CLASRP: variants seen among roughly 807,000 people sequenced by gnomAD.
CLASRP encodes the protein CLK4-associating serine/arginine rich protein.
A neutral mutation model predicts 99.9 loss-of-function variants in CLASRP; 52 were observed. The observed-to-expected ratio is 0.52, with a 90% CI of 0.42 to 0.66. The LOEUF (loss-of-function observed/expected upper bound fraction) is 0.66, where lower values mean the gene tolerates loss of function less well. CLASRP is among the 30% of genes least tolerant of loss of function. The pLI, the probability that CLASRP is intolerant of heterozygous loss-of-function variation, is 0.00. For synonymous variants in CLASRP, 379 were observed against 373.0 expected (o/e 1.02, Z -0.18); for missense variants, 848 against 999.2 (o/e 0.85, Z 2.04).
Position 45,064,511 on chromosome 19 carries a change from G to T in CLASRP, c.1290G>T (p.Arg430=). 6.5e-7 allele frequency: 1 copy of T among 1,534,964 alleles called. No individual in the cohort carries two copies. The change falls in exon 13 of 21, where the codon CGG becomes CGT. Residue 430 remains arginine, a synonymous_variant. Coordinates refer to ENST00000221455, the MANE Select transcript of CLASRP (RefSeq NM_007056.3). ...RSWSRSRSRS[R]RYSRSRSRGR... is the part of the protein sequence containing the mutation. Reference sequence around the variant, plus strand: ...GGTCCCGCTCCCGCTCCCGCTCCCGGCGCTATTCCCGGTCCCGTAGCCGTG... The same window carrying T: ...GGTCCCGCTCCCGCTCCCGCTCCCGTCGCTATTCCCGGTCCCGTAGCCGTG...
At position 45,069,187 on chromosome 19, in the gene CLASRP, C is replaced by A. The variant is rs1210786957; in HGVS notation, c.1828-15C>A. ...TGCTGGCCTGGCCACGTCCTCATAG[C>A]CCTGTCTGCTGCAGGAGCGGGAAGA... On this transcript the variant is annotated splice_polypyrimidine_tract_variant and intron_variant, in intron 17 of 20. Transcript: ENST00000221455. 1 of 1,613,940 alleles carries A rather than the reference C, an allele frequency of 6.2e-7. No homozygotes were observed. The highest frequency in any genetic ancestry group is 8.5e-7 in the Non-Finnish European group (1 of 1,179,998).
rs763531400 is a variant in CLASRP at position 45,060,606 on chromosome 19, G to A, written c.842G>A (p.Gly281Asp). Residue 281 changes from glycine (G) to aspartate (D), a missense_variant, in exon 10 of 21, where the codon GGT becomes GAT. Gly to Asp is a moderately conservative substitution (Grantham distance 94). Around this residue, in one of 8 missense-constraint regions of CLASRP, gnomAD observed 9 missense variants for 28.5 expected, o/e 0.32. Coordinates refer to ENST00000221455, the MANE Select transcript of CLASRP (RefSeq NM_007056.3). The surrounding 1 kb of genome is among the most constrained non-coding windows in gnomAD (Gnocchi z 4.6). ...GAGTTTCGGGAGAAGCGGCTGAGGG[G>A]TCGCAAGATCAGCCCACCCAGGTAG... is the stretch of plus-strand genomic sequence containing the variant. The part of the protein sequence containing the change: ...RREFREKRLR[G>D]RKISPPSYAR... 6.2e-7 allele frequency: 1 copy of A among 1,607,952 alleles called. No individual in the cohort carries two copies. Among genetic ancestry groups the A allele is most frequent in the Admixed American group, 1.7e-5 (1 of 59,380 alleles).
intron 5 of CLASRP, among the ~76,000 whole-genome samples, chr19:45,053,770 C>T (rs796178181): frequency 2.8e-4 from 43 of 152,266 alleles, no homozygotes; most frequent in African/African-American, 9.9e-4. Flanking sequence ...TGAGCCACCA[C>T]GCCCAGCCAA....
At chr19:45,061,797 C>G (rs1172306792) in intron 10 of CLASRP, among the ~76,000 whole-genome samples, 2 of 151,728 alleles carry the variant, frequency 1.3e-5, no homozygotes, top group Admixed American at 1.3e-4. Context: ...TCATCATCAT[C>G]ATCATCATCA....
chr19:45,062,386 T>A (rs555251096), intron 11 of CLASRP, among the ~76,000 whole-genome samples, 191 bp downstream of exon 11: 9 of 151,412 alleles, frequency 5.9e-5, no homozygotes, highest in Admixed American at 1.3e-4. Context: ...TTAAATAAAA[T>A]TTTTTTTTTG....
chr19:45,060,742 T>TC lies in CLASRP; in HGVS notation c.863+115_863+116insC. 1 of 813,934 alleles carries TC rather than the reference T, an allele frequency of 1.2e-6. No individual in the cohort carries two copies. The highest frequency in any genetic ancestry group is 1.9e-6 in the Non-Finnish European group (1 of 518,626). 50.4% of individuals were successfully genotyped at this position (813,934 alleles called of 1,614,324 possible). A position where few individuals can be genotyped will look rare whatever the true frequency, so the allele number is the denominator to read the frequency against. ...ATTTGACTTGAGAAAGGAGTCTTTC[T>TC]AGTGGGGCGATGCATGGCCATCGTG... is the stretch of plus-strand genomic sequence containing the variant. On this transcript the variant is annotated intron_variant, in intron 10 of 20. Coordinates refer to ENST00000221455, the MANE Select transcript of CLASRP (RefSeq NM_007056.3). This position sits in a 1 kb window ranked among gnomAD's most constrained non-coding sequence, Gnocchi z 4.6.
chr19:45,064,514 C>G lies in CLASRP; in HGVS notation c.1293C>G (p.Arg431=), dbSNP rs990497983. 7 of 1,537,306 alleles carry G rather than the reference C, an allele frequency of 4.6e-6. No individual in the cohort carries two copies. In the South Asian group the frequency reaches 6.0e-5, roughly 13 times the overall value. Residue 431 remains arginine (R), a synonymous_variant, in exon 13 of 21, where the codon CGC becomes CGG. Transcript: ENST00000221455. ...CCCGCTCCCGCTCCCGCTCCCGGCGCTATTCCCGGTCCCGTAGCCGTGGCC... is the reference window on the plus strand; with the variant it reads ...CCCGCTCCCGCTCCCGCTCCCGGCGGTATTCCCGGTCCCGTAGCCGTGGCC... The part of the protein sequence containing the change: ...SWSRSRSRSR[R]YSRSRSRGRR...
chr19:45,067,463 C>T lies in CLASRP; in HGVS notation c.1536C>T (p.Arg512=), dbSNP rs1175402646. The T allele has an allele frequency of 6.4e-7, 1 of 1,554,576 alleles. No homozygotes were observed. The highest frequency in any genetic ancestry group is 1.2e-5 in the South Asian group (1 of 86,174). ...GCAGTCGCAGCCTGACTCGCAGCCG[C>T]AGCCATAGCCCCAGCCCCAGCCAGA... is the stretch of plus-strand genomic sequence containing the variant. The part of the protein sequence containing the change: ...PSRSRSLTRS[R]SHSPSPSQSR... The change falls in exon 14 of 21, where the codon CGC becomes CGT. Residue 512 remains arginine (R), a synonymous_variant. Coordinates refer to ENST00000221455, the MANE Select transcript of CLASRP (RefSeq NM_007056.3). This position sits in a 1 kb window ranked among gnomAD's most constrained non-coding sequence, Gnocchi z 4.9.
chr19:45,059,786 C>T (rs1255218298), intron 8 of CLASRP, among the ~76,000 whole-genome samples: 1 of 152,202 alleles, frequency 6.6e-6, no homozygotes, highest in African/African-American at 2.4e-5. Flanking sequence ...GAACCAGAAA[C>T]GGAGCCTGAG....
At position 45,070,119 on chromosome 19, in the gene CLASRP, C is replaced by T. The variant is rs770199358; in HGVS notation, c.1957+15C>T. 1.4e-6 allele frequency: 2 copies of T among 1,474,110 alleles called. No individual in the cohort carries two copies. Among genetic ancestry groups the T allele is most frequent in the Non-Finnish European group, 1.9e-6 (2 of 1,052,242 alleles). The allele number at this position is 1,474,110 out of a possible 1,614,324, so 91.3% of individuals were successfully genotyped here. On this transcript the variant is annotated intron_variant, in intron 19 of 20. Transcript: ENST00000221455. ...CCCCCGATACAGTGAGTGTCCCCAC[C>T]AGGCTGCAGGGCTCTGGGGCTTTAA...
At chr19:45,065,666 C>T (rs1027638488) in intron 13 of CLASRP, among the ~76,000 whole-genome samples, 2 of 152,152 alleles carry the variant, frequency 1.3e-5, no homozygotes, top group African/African-American at 4.8e-5. Context: ...GGTCCACCCC[C>T]TTCCGGTCCC....
chr19:45,067,404 C>T lies in CLASRP; in HGVS notation c.1477C>T (p.Arg493Cys), dbSNP rs766690315. 9.1e-6 allele frequency: 14 copies of T among 1,533,714 alleles called. No individual in the cohort carries two copies. The highest frequency in any genetic ancestry group is 3.6e-5 in the South Asian group (3 of 83,866). ...GGGCCTCAGGCACCACAGCAGTAGC[C>T]GCAGCCGCAGCAGCTGGTCCCTCAG... ...GRGLRHHSSS[R>C]SRSSWSLSPS... is the part of the protein sequence containing the mutation. Residue 493 changes from arginine (R) to cysteine (C), a missense_variant, in exon 14 of 21, where the codon CGC (arginine) becomes TGC (cysteine). By Grantham distance (180) the Arg-to-Cys change is radical. Coordinates refer to ENST00000221455, the MANE Select transcript of CLASRP (RefSeq NM_007056.3). This position sits in a 1 kb window ranked among gnomAD's most constrained non-coding sequence, Gnocchi z 4.9.
intron 2 of CLASRP, among the ~76,000 whole-genome samples, chr19:45,047,287 T>C (rs1971936912): frequency 6.6e-6 from 1 of 151,980 alleles, no homozygotes; most frequent in South Asian, 2.1e-4. Flanking sequence ...AAGACAGTAT[T>C]GTATGATCCG....
chr19:45,057,641 G>C (rs1949233379), intron 6 of CLASRP, 109 bp from the exon 7 acceptor site: 1 of 1,292,714 alleles, frequency 7.7e-7, no homozygotes, highest in Non-Finnish European at 1.1e-6. Context: ...TAGGCTGAGG[G>C]AGAGCCTGAG....
chr19:45,068,302 A>T, intron 15 of CLASRP, 118 bp from the exon 16 acceptor site: 1 of 640,802 alleles, frequency 1.6e-6, no homozygotes, highest in Non-Finnish European at 2.9e-6. Flanking sequence ...CCTCCTCCCC[A>T]CGTCGTTCTC....
intron 12 of CLASRP, 42 bp from the exon 13 acceptor site, chr19:45,064,296 CCGCGG>C (rs1375662392): frequency 6.6e-7 from 1 of 1,507,054 alleles, no homozygotes; most frequent in Non-Finnish European, 8.8e-7. Context: ...CAGAGGGGGG[CCGCGG>C]CTCAGGCCTG....
intron 13 of CLASRP, among the ~76,000 whole-genome samples, chr19:45,065,696 GCTGCCCTGGGAA>G (rs1348702347): frequency 1.3e-5 from 2 of 152,028 alleles, no homozygotes; most frequent in African/African-American, 4.8e-5. Flanking sequence ...TGGGGTCAGG[GCTGCCCTGGGAA>G]GGGCAGCGAC....
intron 2 of CLASRP, among the ~76,000 whole-genome samples, chr19:45,051,825 G>A (rs534761799): frequency 9.9e-5 from 15 of 152,176 alleles, no homozygotes; most frequent in Admixed American, 3.3e-4. Context: ...AAAATTAGTC[G>A]GGCATGGTGG....
intron 2 of CLASRP, 35 bp downstream of exon 2, chr19:45,040,346 C>G (rs1448298422): frequency 1.3e-6 from 2 of 1,502,126 alleles, no homozygotes; most frequent in East Asian, 4.6e-5. Context: ...GGTGAGGGAC[C>G]CTGGGTTGGG....
Sources: allele counts gnomAD v4.1 joint callset (sites outside exome capture counted in the v4.1 genomes callset), GRCh38; gene constraint gnomAD v4.1.1; regional missense constraint gnomAD v4.1.1; non-coding constraint Gnocchi (gnomAD v3.1); transcripts MANE v1.5; gene names NCBI Gene and HGNC (gene_info 2026-07-23, HGNC 2026-07-21).